RSF1: variants seen among roughly 807,000 people sequenced by gnomAD.
RSF1 encodes the protein HBV pX-associated protein 8.
A neutral mutation model predicts 145.2 loss-of-function variants in RSF1; 13 were observed. The observed-to-expected ratio is 0.09, with a 90% CI of 0.06 to 0.14. The LOEUF is 0.14. Among genes scored for constraint, RSF1 ranks in the 10% least tolerant of loss-of-function variants. The probability of loss-of-function intolerance (pLI) is 1.00; values close to 1 mark genes in which losing one functional copy is unlikely to be tolerated. For synonymous variants in RSF1, 577 were observed against 592.6 expected, an observed-to-expected ratio of 0.97 and a Z score of 0.38; for missense variants, 1,517 against 1,718.2, an observed-to-expected ratio of 0.88 and a Z score of 2.07.
intron 14 of RSF1, 148 bp downstream of exon 14, chr11:77,674,888 A>G: frequency 1.7e-6 from 1 of 584,812 alleles, no homozygotes; most frequent in South Asian, 2.3e-5. Flanking sequence ...AATCCCAGCT[A>G]CTTGGGAGGC....
chr11:77,695,457 A>C (rs1960257505), intron 7 of RSF1, among the ~76,000 whole-genome samples: 1 of 152,122 alleles, frequency 6.6e-6, no homozygotes, highest in Non-Finnish European at 1.5e-5. Flanking sequence ...TGAATTAATG[A>C]TTATTTTATT....
chr11:77,795,429 G>A (rs1276161589), intron 1 of RSF1, among the ~76,000 whole-genome samples: 1 of 152,136 alleles, frequency 6.6e-6, no homozygotes, highest in Non-Finnish European at 1.5e-5. Flanking sequence ...AGAGACAGCT[G>A]TCAACAAAGC....
the RSF1 span, among the ~76,000 whole-genome samples, chr11:77,863,483 C>A: frequency 6.6e-6 from 1 of 152,210 alleles, no homozygotes; most frequent in South Asian, 2.1e-4. Flanking sequence ...AGGTAGCCTG[C>A]GTTTAAGCAA....
At chr11:77,677,544 T>G (rs183908051) in intron 12 of RSF1, among the ~76,000 whole-genome samples, 3 of 152,320 alleles carry the variant, frequency 2.0e-5, no homozygotes. Context: ...AACAATCTAC[T>G]TATTAATCTT....
At chr11:77,749,614 G>A (rs968964950) in intron 2 of RSF1, among the ~76,000 whole-genome samples, 1 of 152,052 alleles carries the variant, frequency 6.6e-6, no homozygotes, top group Non-Finnish European at 1.5e-5. Context: ...GTGTAAAAGG[G>A]GAGGATAAAA....
At chr11:77,807,806 C>T (rs1280052447) in intron 1 of RSF1, among the ~76,000 whole-genome samples, 1 of 152,054 alleles carries the variant, frequency 6.6e-6, no homozygotes, top group East Asian at 1.9e-4. Flanking sequence ...ATGCACAGCC[C>T]GTAGTTAATG....
intron 4 of RSF1, among the ~76,000 whole-genome samples, chr11:77,727,971 TAGTC>T (rs778955801): frequency 2.3e-4 from 35 of 152,336 alleles, no homozygotes; most frequent in Middle Eastern, 3.4e-3. Flanking sequence ...AAATCTGAGT[TAGTC>T]AGAGGAAATT....
intron 5 of RSF1, 68 bp from the exon 6 acceptor site, chr11:77,702,563 A>G: frequency 2.0e-6 from 2 of 1,005,682 alleles, no homozygotes; most frequent in Non-Finnish European, 1.4e-6. Flanking sequence ...AAGACTTAGT[A>G]TAATGTATAT....
intron 1 of RSF1, among the ~76,000 whole-genome samples, chr11:77,773,049 G>A (rs1368015678): frequency 6.6e-6 from 1 of 151,970 alleles, no homozygotes; most frequent in Non-Finnish European, 1.5e-5. Flanking sequence ...GCACCTTGAG[G>A]CATTATCCAT....
At chr11:77,680,866 AGCCAGAT>A (rs982770643) in intron 11 of RSF1, among the ~76,000 whole-genome samples, 2 of 152,232 alleles carry the variant, frequency 1.3e-5, no homozygotes, top group Non-Finnish European at 2.9e-5. Flanking sequence ...ATACATATAA[AGCCAGAT>A]GCCAGATGCA....
chr11:77,786,349 C>G (rs665363), intron 1 of RSF1, among the ~76,000 whole-genome samples: 99,781 of 151,896 alleles, frequency 0.66, 32,933 homozygotes, highest in South Asian at 0.81. Flanking sequence ...GATCAGCACG[C>G]GAATAAAAAA....
At chr11:77,812,020 A>G (rs1028313034) in intron 1 of RSF1, among the ~76,000 whole-genome samples, 10 of 152,152 alleles carry the variant, frequency 6.6e-5, no homozygotes, top group African/African-American at 1.9e-4. Flanking sequence ...CTAAAAATAC[A>G]AAAAATTTTT....
At chr11:77,757,507 G>A (rs141218980) in intron 2 of RSF1, among the ~76,000 whole-genome samples, 413 of 152,142 alleles carry the variant, frequency 2.7e-3, no homozygotes, top group African/African-American at 7.3e-3. Context: ...GTGAAACCCC[G>A]TCTCTACTAA....
the RSF1 span, among the ~76,000 whole-genome samples, chr11:77,855,878 T>C: frequency 6.6e-6 from 1 of 152,072 alleles, no homozygotes; most frequent in Middle Eastern, 3.4e-3. Flanking sequence ...GGTTATGAGG[T>C]GGGCCAAGGT....
At chr11:77,811,067 G>A (rs1948726145) in intron 1 of RSF1, among the ~76,000 whole-genome samples, 1 of 152,114 alleles carries the variant, frequency 6.6e-6, no homozygotes, top group African/African-American at 2.4e-5. Context: ...AATACTTTAG[G>A]TTTTGAAGTT....
At chr11:77,683,841 C>T (rs767806759) in intron 10 of RSF1, 22 bp from the exon 11 acceptor site, 1 of 1,557,142 alleles carries the variant, frequency 6.4e-7, no homozygotes, top group South Asian at 1.1e-5. Flanking sequence ...TGATAATAAG[C>T]ATAGAGGTTA....
At position 77,701,005 on chromosome 11, in the gene RSF1, G is replaced by T. The variant is rs142580915; in HGVS notation, c.2224C>A (p.Arg742=). 3.1e-6 allele frequency: 5 copies of T among 1,613,428 alleles called. No homozygotes were observed. In the African/African-American group the frequency reaches 5.3e-5, roughly 17 times the overall value. Residue 742 remains arginine, a synonymous_variant, in exon 6 of 16, where the codon CGG becomes AGG. Transcript: ENST00000308488. ...GIKLTIRISS[R]KKKPDSPPKV... ...GGGGGAGAATCGGGCTTCTTTTTCC[G>T]ACTTGATATCCTGATTGTTAATTTG...
rs36053517 is a variant in RSF1, at chr11:77,693,352, C to G, written c.2820+155G>C. On this transcript the variant is annotated intron_variant, in intron 8 of 15. Coordinates refer to ENST00000308488, the MANE Select transcript of RSF1 (RefSeq NM_016578.4). Reference sequence around the variant, plus strand: ...TGGGAAAAAAAACAAAAAGGAAAACCTAAAAGCTATTAATAAAAGGTAGAA... The same window carrying G: ...TGGGAAAAAAAACAAAAAGGAAAACGTAAAAGCTATTAATAAAAGGTAGAA... Among the ~76,000 whole-genome samples the G allele has an allele frequency of 7.1e-3, 1,079 of 152,138 alleles. 7 individuals are homozygous for G. The highest frequency in any genetic ancestry group is 0.024 in the African/African-American group (999 of 41,512).
chr11:77,861,044 A>G, the RSF1 span, among the ~76,000 whole-genome samples: 4 of 152,132 alleles, frequency 2.6e-5, no homozygotes. Context: ...CTAAGCGGGT[A>G]TTGCCTTTGG....
Sources: gnomAD v4.1 joint callset for allele counts (sites outside exome capture counted in the v4.1 genomes callset) on GRCh38, gnomAD v4.1.1 for gene constraint, MANE v1.5 for transcripts, NCBI Gene and HGNC (gene_info 2026-07-23, HGNC 2026-07-21) for gene names.